Variants in PPFIA2 observed in about 807,000 individuals in gnomAD.
The protein encoded by PPFIA2 is PPFI scaffold protein A2, also known as liprin-alpha-2.
A neutral mutation model predicts 175.5 loss-of-function variants in PPFIA2; 46 were observed. The observed-to-expected ratio is 0.26, with a 90% CI of 0.21 to 0.34. The LOEUF (loss-of-function observed/expected upper bound fraction) is 0.34. Among genes scored for constraint, PPFIA2 ranks in the 10% least tolerant of loss-of-function variants. The probability of loss-of-function intolerance (pLI) is 1.00; values close to 1 mark genes in which losing one functional copy is unlikely to be tolerated. For synonymous variants in PPFIA2, 568 were observed against 511.4 expected (o/e 1.11, Z -1.49); for missense variants, 1,179 against 1,506.1 (o/e 0.78, Z 3.60).
chr12:81,462,353 TG>T (rs898896979), intron 4 of PPFIA2, among the ~76,000 whole-genome samples: 2 of 144,302 alleles, frequency 1.4e-5, no homozygotes, highest in Non-Finnish European at 3.1e-5. Flanking sequence ...TTTGTAGTTG[TG>T]ACTGATCTAA....
At chr12:81,504,473 T>G (rs1238401460) in intron 4 of PPFIA2, among the ~76,000 whole-genome samples, 1 of 152,074 alleles carries the variant, frequency 6.6e-6, no homozygotes, top group Non-Finnish European at 1.5e-5. Flanking sequence ...AGAATGGCGA[T>G]CATTAAAAAG....
intron 5 of PPFIA2, among the ~76,000 whole-genome samples, chr12:81,453,493 A>G (rs1248087870): frequency 1.3e-5 from 2 of 152,158 alleles, no homozygotes; most frequent in Non-Finnish European, 2.9e-5. Flanking sequence ...TTCTATAAAT[A>G]TAACCTTCTG....
At chr12:81,594,538 T>C (rs1372668009) in intron 4 of PPFIA2, among the ~76,000 whole-genome samples, 1 of 152,160 alleles carries the variant, frequency 6.6e-6, no homozygotes, top group Non-Finnish European at 1.5e-5. Context: ...AGTAACACAC[T>C]GTTGTTATTT....
intron 7 of PPFIA2, 40 bp from the exon 8 acceptor site, chr12:81,405,943 G>C: frequency 8.8e-7 from 1 of 1,130,442 alleles, no homozygotes. Flanking sequence ...GTCTAAATAG[G>C]GAATAAAATA....
chr12:81,463,587 G>A (rs1465512974), intron 4 of PPFIA2, among the ~76,000 whole-genome samples: 1 of 152,086 alleles, frequency 6.6e-6, no homozygotes, highest in Non-Finnish European at 1.5e-5. Context: ...AGGGAGGGGT[G>A]CCCTTCTCTT....
At chr12:81,679,776 G>T (rs1396382710) in intron 3 of PPFIA2, among the ~76,000 whole-genome samples, 3 of 151,904 alleles carry the variant, frequency 2.0e-5, no homozygotes, top group Non-Finnish European at 4.4e-5. Flanking sequence ...GTCCTACTTG[G>T]AGAGAGGTCC....
intron 7 of PPFIA2, among the ~76,000 whole-genome samples, chr12:81,407,634 C>T (rs745375818): frequency 4.6e-5 from 7 of 152,070 alleles, no homozygotes; most frequent in African/African-American, 1.2e-4. Flanking sequence ...TTTGCTTCAG[C>T]GACACTGGCC....
At chr12:81,394,029 A>G (rs182727647) in intron 8 of PPFIA2, among the ~76,000 whole-genome samples, 15 of 152,120 alleles carry the variant, frequency 9.9e-5, no homozygotes, top group Admixed American at 3.3e-4. Context: ...TTGAGGGAAC[A>G]CTTGTTTCAA....
intron 4 of PPFIA2, among the ~76,000 whole-genome samples, chr12:81,521,651 C>CAAAA (rs1167533871): frequency 2.3e-4 from 20 of 87,498 alleles, no homozygotes; most frequent in East Asian, 8.1e-4. Flanking sequence ...TAATAAAATA[C>CAAAA]AAAAAAAAAA....
At chr12:81,618,747 T>C (rs981874426) in intron 4 of PPFIA2, among the ~76,000 whole-genome samples, 54 of 152,004 alleles carry the variant, frequency 3.6e-4, no homozygotes, top group Admixed American at 7.9e-4. Flanking sequence ...TTAGCCACGA[T>C]GGTCTCCATC....
chr12:81,593,327 A>G (rs1186224373), intron 4 of PPFIA2, among the ~76,000 whole-genome samples: 1 of 152,204 alleles, frequency 6.6e-6, no homozygotes, highest in Non-Finnish European at 1.5e-5. Context: ...TATCTGTTAC[A>G]TATTTTTAAT....
chr12:81,276,367 C>T (rs921857103), intron 28 of PPFIA2, among the ~76,000 whole-genome samples: 9 of 152,044 alleles, frequency 5.9e-5, no homozygotes, highest in African/African-American at 2.2e-4. Flanking sequence ...GACTTCACCA[C>T]CACAAATATA....
chr12:81,278,285 G>C (rs531469291), intron 27 of PPFIA2, among the ~76,000 whole-genome samples: 1 of 152,272 alleles, frequency 6.6e-6, no homozygotes, highest in East Asian at 1.9e-4. Context: ...GCTCACGCCT[G>C]TAATCACAGC....
intron 21 of PPFIA2, among the ~76,000 whole-genome samples, chr12:81,333,538 GA>G (rs1219202516): frequency 1.3e-5 from 2 of 152,058 alleles, no homozygotes; most frequent in Non-Finnish European, 2.9e-5. Context: ...GAGTAGAGTA[GA>G]AAAAACTTTC....
intron 3 of PPFIA2, among the ~76,000 whole-genome samples, chr12:81,728,768 A>G (rs995788848): frequency 7.3e-5 from 11 of 151,572 alleles, no homozygotes; most frequent in African/African-American, 2.7e-4. Flanking sequence ...TGAATTTGAT[A>G]ACCCAGAAAA....
At chr12:81,266,321 C>T (rs1346851202) in intron 30 of PPFIA2, among the ~76,000 whole-genome samples, 1 of 152,160 alleles carries the variant, frequency 6.6e-6, no homozygotes, top group African/African-American at 2.4e-5. Context: ...CTACAGTCCA[C>T]AGCATTTGCT....
chr12:81,406,685 C>A (rs1174590205), intron 7 of PPFIA2, among the ~76,000 whole-genome samples: 6 of 151,226 alleles, frequency 4.0e-5, no homozygotes, highest in Admixed American at 2.6e-4. Flanking sequence ...ATATATATAT[C>A]ACTTTGAAAA....
intron 15 of PPFIA2, among the ~76,000 whole-genome samples, chr12:81,358,766 T>C (rs1336954569): frequency 6.6e-6 from 1 of 152,104 alleles, no homozygotes; most frequent in East Asian, 1.9e-4. Context: ...TAAATTTAGA[T>C]GGACCCAAGG....
intron 7 of PPFIA2, among the ~76,000 whole-genome samples, chr12:81,421,750 A>C (rs2046280368): frequency 6.6e-6 from 1 of 152,002 alleles, no homozygotes. Context: ...GCATGGCTGA[A>C]TGGATTTAAA....
Sources: gnomAD v4.1 joint callset for allele counts (sites outside exome capture counted in the v4.1 genomes callset) on GRCh38, gnomAD v4.1.1 for gene constraint, MANE v1.5 for transcripts, NCBI Gene and HGNC (gene_info 2026-07-23, HGNC 2026-07-21) for gene names.